NAV3: variants seen among roughly 807,000 people sequenced by gnomAD.
The protein encoded by NAV3 is pore membrane and/or filament interacting like protein 1.
A neutral mutation model predicts 244.7 loss-of-function variants in NAV3; 87 were observed. The ratio of observed to expected loss-of-function variants is 0.36; its 90% CI spans 0.30 to 0.42. The LOEUF (loss-of-function observed/expected upper bound fraction) is 0.42. Ranked by LOEUF, NAV3 falls within the 20% of genes least tolerant of loss-of-function variation. The pLI, the probability that NAV3 is intolerant of heterozygous loss-of-function variation, is 1.00. For synonymous variants in NAV3, 1,126 were observed against 1,042.2 expected (o/e 1.08, Z -1.55); for missense variants, 2,663 against 2,893.3 (o/e 0.92, Z 1.83).
At chr12:77,808,802 C>T (rs1023770824) in intron 2 of NAV3, among the ~76,000 whole-genome samples, 1 of 152,210 alleles carries the variant, frequency 6.6e-6, no homozygotes, top group Non-Finnish European at 1.5e-5. Context: ...GGTGCTCTTT[C>T]CCAGGGAGAT....
At chr12:77,733,864 G>A (rs1425602408) in intron 2 of NAV3, among the ~76,000 whole-genome samples, 1 of 141,986 alleles carries the variant, frequency 7.0e-6, no homozygotes, top group African/African-American at 2.8e-5. Context: ...TTTTGCAAGA[G>A]GTTGATTTAA....
At chr12:78,032,035 C>A (rs1213327724) in intron 9 of NAV3, among the ~76,000 whole-genome samples, 1 of 152,080 alleles carries the variant, frequency 6.6e-6, no homozygotes, top group Non-Finnish European at 1.5e-5. Flanking sequence ...TCAGGAGAGA[C>A]CAAATTCAAG....
At chr12:77,837,235 TAAACTTTAAACTTTAAAAGTTTAC>T (rs1874810416) in intron 1 of NAV3, among the ~76,000 whole-genome samples, 1 of 150,770 alleles carries the variant, frequency 6.6e-6, no homozygotes, top group South Asian at 2.1e-4. Flanking sequence ...TTTTAAAGTT[TAAACTTTAAACTTTAAAAGTTTAC>T]ATAACTTTTC....
intron 3 of NAV3, among the ~76,000 whole-genome samples, chr12:77,955,545 C>A (rs905682281): frequency 6.6e-6 from 1 of 152,042 alleles, no homozygotes; most frequent in African/African-American, 2.4e-5. Flanking sequence ...TAACTTTCTC[C>A]TTTCCTAGTC....
chr12:78,210,559 A>C lies in NAV3; in HGVS notation c.*42A>C. ...AGGGAAAAGACTTTGCTTTTAAAAAAATGTTTCAAAAGAAAGGTATTTTCA... is the reference window on the plus strand; with the variant it reads ...AGGGAAAAGACTTTGCTTTTAAAAACATGTTTCAAAAGAAAGGTATTTTCA... On this transcript the variant is annotated 3_prime_UTR_variant, in exon 40 of 40. Coordinates refer to ENST00000397909, the MANE Select transcript of NAV3 (RefSeq NM_001024383.2). The C allele has an allele frequency of 6.2e-7, 1 of 1,600,214 alleles. No homozygotes were observed. Among genetic ancestry groups the C allele is most frequent in the African/African-American group, 1.4e-5 (1 of 73,972 alleles).
At chr12:77,660,440 C>T (rs1833229167) in intron 2 of NAV3, among the ~76,000 whole-genome samples, 1 of 152,114 alleles carries the variant, frequency 6.6e-6, no homozygotes, top group Non-Finnish European at 1.5e-5. Flanking sequence ...AATTGTGTGT[C>T]TTCCAATGGA....
At chr12:77,770,231 T>C (rs1426839920) in intron 2 of NAV3, among the ~76,000 whole-genome samples, 1 of 152,098 alleles carries the variant, frequency 6.6e-6, no homozygotes. Flanking sequence ...AGGAGAATAT[T>C]TGTAGGAGTG....
At chr12:77,745,348 C>T (rs1050912452) in intron 2 of NAV3, among the ~76,000 whole-genome samples, 2 of 151,944 alleles carry the variant, frequency 1.3e-5, no homozygotes, top group African/African-American at 4.8e-5. Flanking sequence ...ATATTTGAGT[C>T]AGTTTGGTGA....
chr12:77,573,755 G>A (rs1316172941), intron 2 of NAV3, among the ~76,000 whole-genome samples: 1 of 152,102 alleles, frequency 6.6e-6, no homozygotes, highest in Non-Finnish European at 1.5e-5. Flanking sequence ...GGAGGTAATA[G>A]GTAAGTGATT....
chr12:77,992,970 A>G (rs1204754591), intron 5 of NAV3, among the ~76,000 whole-genome samples: 1 of 152,232 alleles, frequency 6.6e-6, no homozygotes, highest in Non-Finnish European at 1.5e-5. Flanking sequence ...GCAGAACAGA[A>G]GCTGCCTTTC....
chr12:77,760,533 T>G (rs774396483), intron 2 of NAV3, among the ~76,000 whole-genome samples: 1 of 152,214 alleles, frequency 6.6e-6, no homozygotes, highest in Non-Finnish European at 1.5e-5. Flanking sequence ...TAGCCTTGTT[T>G]TTAATATTAG....
intron 2 of NAV3, among the ~76,000 whole-genome samples, chr12:77,683,197 A>G (rs1277127930): frequency 4.6e-5 from 7 of 152,198 alleles, no homozygotes; most frequent in Admixed American, 1.3e-4. Context: ...TTTGTATGGT[A>G]TAAGGTGAGG....
At chr12:78,189,300 GTTTA>G (rs1393725599) in intron 33 of NAV3, among the ~76,000 whole-genome samples, 1 of 151,680 alleles carries the variant, frequency 6.6e-6, no homozygotes, top group African/African-American at 2.4e-5. Flanking sequence ...ACAATTCCTT[GTTTA>G]TTTATGTTAA....
intron 2 of NAV3, among the ~76,000 whole-genome samples, chr12:77,603,023 C>A (rs1870510185): frequency 6.6e-6 from 1 of 152,034 alleles, no homozygotes; most frequent in South Asian, 2.1e-4. Flanking sequence ...GGAGTATAAG[C>A]ATGCTATCTT....
chr12:77,797,198 A>G (rs1057357506), intron 2 of NAV3, among the ~76,000 whole-genome samples: 1 of 152,196 alleles, frequency 6.6e-6, no homozygotes, highest in South Asian at 2.1e-4. Context: ...CAAAATTGTC[A>G]CTGAATATGC....
At chr12:77,741,163 A>AAAAAAAAAAAAAAAAAAAC (rs1868327149) in intron 2 of NAV3, among the ~76,000 whole-genome samples, 1 of 148,946 alleles carries the variant, frequency 6.7e-6, no homozygotes, top group Non-Finnish European at 1.5e-5. Flanking sequence ...AAAAAAAAAA[A>AAAAAAAAAAAAAAAAAAAC]AAAGAAAAGA....
At chr12:77,664,497 G>A (rs1400847863) in intron 2 of NAV3, among the ~76,000 whole-genome samples, 5 of 151,986 alleles carry the variant, frequency 3.3e-5, no homozygotes, top group East Asian at 3.9e-4. Context: ...TAAAGTAGTC[G>A]ATAATTTGAC....
Position 78,211,471 on chromosome 12 carries a change from CT to C in NAV3, c.*968del, listed in dbSNP as rs71441913. ...TAGCCTCATCTCTATATATCTTTCTCTTTTTTTTTTTTTTGAAGAAATGGAT... is the reference window on the plus strand; with the variant it reads ...TAGCCTCATCTCTATATATCTTTCTCTTTTTTTTTTTTTGAAGAAATGGAT... On this transcript the variant is annotated 3_prime_UTR_variant, in exon 40 of 40. Coordinates refer to ENST00000397909, the MANE Select transcript of NAV3 (RefSeq NM_001024383.2). 1,338 of 144,706 alleles carry C rather than the reference CT, an allele frequency of 9.2e-3. 14 individuals are homozygous for C. The highest frequency in any genetic ancestry group is 0.027 in the African/African-American group (1,050 of 39,482). 9.0% of individuals were successfully genotyped at this position (144,706 alleles called of 1,614,324 possible).
upstream of NAV3, among the ~76,000 whole-genome samples, chr12:77,827,219 G>A (rs1873094158): frequency 8.5e-6 from 1 of 118,288 alleles, no homozygotes; most frequent in South Asian, 2.8e-4. Context: ...TTAGGGGATA[G>A]AGCAAGACTC....
Sources: allele counts gnomAD v4.1 joint callset (sites outside exome capture counted in the v4.1 genomes callset), GRCh38; gene constraint gnomAD v4.1.1; transcripts MANE v1.5; gene names NCBI Gene and HGNC (gene_info 2026-07-23, HGNC 2026-07-21).